DGKB: variants seen among roughly 807,000 people sequenced by gnomAD.
DGKB encodes the protein 90 kDa diacylglycerol kinase.
DGKB carries 67 observed loss-of-function variants against 114.3 expected under a neutral mutation model. That is an observed-to-expected ratio of 0.59 (90% CI 0.48 to 0.72). The LOEUF is 0.72. Among genes scored for constraint, DGKB ranks in the 30% least tolerant of loss-of-function variants. The pLI is 0.00. For missense variants in DGKB, 907 were observed against 975.2 expected (o/e 0.93, Z 0.93); for synonymous variants, 398 against 323.1 (o/e 1.23, Z -2.49).
At chr7:14,360,207 A>G (rs937639231) in intron 21 of DGKB, among the ~76,000 whole-genome samples, 3 of 152,034 alleles carry the variant, frequency 2.0e-5, no homozygotes, top group Admixed American at 1.3e-4. Context: ...GTAAACTATC[A>G]CAAGGACAGA....
At chr7:14,578,950 T>C (rs147630200) in intron 19 of DGKB, among the ~76,000 whole-genome samples, 223 of 152,308 alleles carry the variant, frequency 1.5e-3, no homozygotes, top group African/African-American at 5.2e-3. Flanking sequence ...TTGCCCACCA[T>C]GCACTGCTGC....
chr7:14,718,579 A>T lies in DGKB; in HGVS notation c.429T>A (p.Ser143=). Residue 143 remains serine, a synonymous_variant, in exon 6 of 26, where the codon TCT becomes TCA. Transcript: ENST00000402815. ...IHLKDIVCYL[S]LLERGRPEDK... is the part of the protein sequence containing the mutation. ...CCTCAGGTCTTCCTCTTTCAAGCAG[A>T]GACAGGTAACAGACAATGTCCTTCA... 6.2e-7 allele frequency: 1 copy of T among 1,613,106 alleles called. No homozygotes were observed. The highest frequency in any genetic ancestry group is 1.3e-5 in the African/African-American group (1 of 74,964).
intron 3 of DGKB, among the ~76,000 whole-genome samples, chr7:14,754,188 G>A (rs1355309705): frequency 6.6e-6 from 1 of 152,086 alleles, no homozygotes; most frequent in Non-Finnish European, 1.5e-5. Flanking sequence ...AAACTGCGTG[G>A]GGTCGGGGGG....
intron 13 of DGKB, among the ~76,000 whole-genome samples, chr7:14,671,546 A>T (rs1480533324): frequency 6.6e-6 from 1 of 152,184 alleles, no homozygotes; most frequent in East Asian, 1.9e-4. Flanking sequence ...TTTACATTTG[A>T]TTCTCTCAAA....
chr7:14,334,089 C>T (rs12154315), intron 23 of DGKB, among the ~76,000 whole-genome samples: 30,824 of 152,008 alleles, frequency 0.2, 3,784 homozygotes, highest in South Asian at 0.36. Context: ...TTATGGTGGT[C>T]TGCATTTTCA....
At chr7:14,722,968 C>A (rs1489119364) in intron 5 of DGKB, among the ~76,000 whole-genome samples, 1 of 150,710 alleles carries the variant, frequency 6.6e-6, no homozygotes, top group Non-Finnish European at 1.5e-5. Flanking sequence ...TCTATCTCCA[C>A]AGGAGTTATT....
chr7:14,397,449 G>A (rs1367512877), intron 21 of DGKB, among the ~76,000 whole-genome samples: 2 of 152,036 alleles, frequency 1.3e-5, no homozygotes. Context: ...AGGTTCTACT[G>A]TGGAAAGTGA....
chr7:14,784,895 T>C (rs1839660836), intron 2 of DGKB, among the ~76,000 whole-genome samples: 1 of 152,152 alleles, frequency 6.6e-6, no homozygotes, highest in East Asian at 1.9e-4. Context: ...CAATATATTC[T>C]ATGTGTATTT....
chr7:14,838,403 G>C (rs892442196), intron 2 of DGKB, among the ~76,000 whole-genome samples: 27 of 152,004 alleles, frequency 1.8e-4, no homozygotes, highest in African/African-American at 6.0e-4. Context: ...TTAAACACTG[G>C]AAAATATATT....
chr7:14,177,889 T>C (rs1782023070), intron 24 of DGKB, 142 bp downstream of exon 24: 2 of 855,108 alleles, frequency 2.3e-6, no homozygotes, highest in South Asian at 4.9e-5. Context: ...CCAATGTCCA[T>C]TATTTTGAAA....
At chr7:14,400,961 C>T (rs923587111) in intron 21 of DGKB, among the ~76,000 whole-genome samples, 24 of 151,750 alleles carry the variant, frequency 1.6e-4, no homozygotes, top group African/African-American at 5.8e-4. Context: ...CCTCCCCACT[C>T]AATTTGCTGT....
chr7:14,359,424 T>C (rs1156648327), intron 21 of DGKB, among the ~76,000 whole-genome samples: 1 of 152,126 alleles, frequency 6.6e-6, no homozygotes. Flanking sequence ...ACTTCATGAC[T>C]AAACCACCAA....
intron 13 of DGKB, among the ~76,000 whole-genome samples, chr7:14,634,456 A>C (rs2128857714): frequency 6.7e-6 from 1 of 148,386 alleles, no homozygotes; most frequent in East Asian, 2.0e-4. Flanking sequence ...AAAAATATTT[A>C]GAAATCACTA....
chr7:14,256,773 G>T (rs950751193), intron 23 of DGKB, among the ~76,000 whole-genome samples: 4 of 152,154 alleles, frequency 2.6e-5, no homozygotes, highest in African/African-American at 9.7e-5. Flanking sequence ...GTAGCATCAA[G>T]AATAACATTA....
rs528901509 is a variant in DGKB, at chr7:14,147,975, C to T, written c.*1156G>A. ...GAGGGAGCTAATTGCATGCATGATTCGCTTCCAAGAGCTCAGTATTATTAC... is the reference window on the plus strand; with the variant it reads ...GAGGGAGCTAATTGCATGCATGATTTGCTTCCAAGAGCTCAGTATTATTAC... On this transcript the variant is annotated 3_prime_UTR_variant, in exon 26 of 26. Transcript: ENST00000402815. 7 of 152,116 alleles carry T rather than the reference C, an allele frequency of 4.6e-5. No individual in the cohort carries two copies. Among genetic ancestry groups the T allele is most frequent in the Non-Finnish European group, 8.8e-5 (6 of 67,962 alleles). The allele number at this position is 152,116 out of a possible 1,614,324, so 9.4% of individuals were successfully genotyped here.
intron 1 of DGKB, among the ~76,000 whole-genome samples, chr7:14,949,122 T>C (rs368996494): frequency 6.6e-6 from 1 of 151,804 alleles, no homozygotes; most frequent in African/African-American, 2.4e-5. Flanking sequence ...AAACAACATT[T>C]TTTACAAATA....
At chr7:14,696,171 T>A (rs1043568762) in intron 8 of DGKB, among the ~76,000 whole-genome samples, 1 of 151,966 alleles carries the variant, frequency 6.6e-6, no homozygotes, top group Non-Finnish European at 1.5e-5. Context: ...AATGCTTTTG[T>A]TGAGAAGTGT....
chr7:14,562,175 T>A lies in DGKB; in HGVS notation c.1770+12037A>T, dbSNP rs563001200. ...AAGCCTTGGCAGCTTCCACATGGTG[T>A]TGAGCCTGCAGGTACATAGAAGTCA... On this transcript the variant is annotated intron_variant, in intron 20 of 25. Coordinates refer to ENST00000402815, the MANE Select transcript of DGKB (RefSeq NM_001350709.2). 2.0e-4 allele frequency among the ~76,000 whole-genome samples: 30 copies of A among 152,314 alleles called. No homozygotes were observed. In the South Asian group the frequency reaches 5.8e-3, roughly 29 times the overall value.
chr7:14,447,837 G>A (rs1160568646), intron 21 of DGKB, among the ~76,000 whole-genome samples: 3 of 152,018 alleles, frequency 2.0e-5, no homozygotes, highest in Admixed American at 1.3e-4. Flanking sequence ...GACTTTGACG[G>A]TGTCGGGAAA....
Sources: allele counts gnomAD v4.1 joint callset (sites outside exome capture counted in the v4.1 genomes callset), GRCh38; gene constraint gnomAD v4.1.1; transcripts MANE v1.5; gene names NCBI Gene and HGNC (gene_info 2026-07-23, HGNC 2026-07-21).